Variants in RAMP3 observed in about 807,000 individuals in gnomAD.
RAMP3 encodes receptor activity modifying protein 3, also known as receptor activity-modifying protein 3.
A neutral mutation model predicts 13.5 loss-of-function variants in RAMP3; 14 were observed. That is an observed-to-expected ratio of 1.04 (90% CI 0.69 to 1.63). The LOEUF is 1.63. Ranked by LOEUF, RAMP3 falls within the 40% of genes most tolerant of loss-of-function variation. RAMP3 has a pLI of 0.00. For missense variants in RAMP3, 200 were observed against 204.8 expected (o/e 0.98, Z 0.14); for synonymous variants, 106 against 88.3 (o/e 1.20, Z -1.12).
At chr7:45,173,263 G>A (rs1428626605) in intron 1 of RAMP3, among the ~76,000 whole-genome samples, 4 of 152,158 alleles carry the variant, frequency 2.6e-5, no homozygotes, top group Non-Finnish European at 2.9e-5. Flanking sequence ...TTGTCCAGAC[G>A]TCTGCCATAT....
At chr7:45,181,446 G>T (rs575599099) in intron 2 of RAMP3, among the ~76,000 whole-genome samples, 1 of 152,238 alleles carries the variant, frequency 6.6e-6, no homozygotes, top group East Asian at 1.9e-4. Flanking sequence ...TCCACAGAGG[G>T]TCTTCTCCAG....
At chr7:45,181,302 G>T (rs188634734) in intron 2 of RAMP3, among the ~76,000 whole-genome samples, 2 of 152,218 alleles carry the variant, frequency 1.3e-5, no homozygotes, top group Admixed American at 1.3e-4. Flanking sequence ...CCTCTGCTCC[G>T]TGGGCTTCTC....
At chr7:45,179,798 G>A (rs983470302) in intron 2 of RAMP3, among the ~76,000 whole-genome samples, 5 of 152,178 alleles carry the variant, frequency 3.3e-5, no homozygotes, top group African/African-American at 1.2e-4. Flanking sequence ...GTACTAGCAC[G>A]AGGGAGGAAA....
intron 1 of RAMP3, among the ~76,000 whole-genome samples, chr7:45,166,809 T>C (rs1222943229): frequency 1.3e-5 from 2 of 152,246 alleles, no homozygotes; most frequent in East Asian, 3.9e-4. Flanking sequence ...AGAGGCTTGC[T>C]TTGTTGCCCA....
chr7:45,183,297 T>C lies in RAMP3; in HGVS notation c.332T>C (p.Leu111Ser). The change falls in exon 3 of 3, where the codon TTG becomes TCG. Residue 111 changes from leucine (L) to serine (S), a missense_variant. Coordinates refer to ENST00000242249, the MANE Select transcript of RAMP3 (RefSeq NM_005856.3). ...AACTGCACCGTGGACAGGGTCCACT[T>C]GGAGGACCCCCCAGACGAGGTTCTC... ...FSNCTVDRVH[L>S]EDPPDEVLIP... is the part of the protein sequence containing the mutation. The C allele has an allele frequency of 9.3e-6, 15 of 1,614,106 alleles. No homozygotes were observed. Among genetic ancestry groups the C allele is most frequent in the Non-Finnish European group, 1.2e-5 (14 of 1,180,040 alleles).
Position 45,161,635 on chromosome 7 carries a change from G to A in RAMP3, c.58+3749G>A, listed in dbSNP as rs112463657. Among the ~76,000 whole-genome samples the A allele has an allele frequency of 7.1e-3, 1,076 of 151,942 alleles. 18 individuals carry two copies. Among genetic ancestry groups the A allele is most frequent in the African/African-American group, 0.025 (1,024 of 41,380 alleles). ...GGAGAGGAGAGGAAACAGGGGAGGGGGAGGAGGGTAAAGAAGGACAGGGGA... is the reference window on the plus strand; with the variant it reads ...GGAGAGGAGAGGAAACAGGGGAGGGAGAGGAGGGTAAAGAAGGACAGGGGA... On this transcript the variant is annotated intron_variant, in intron 1 of 2. Coordinates refer to ENST00000242249, the MANE Select transcript of RAMP3 (RefSeq NM_005856.3).
In RAMP3 at chr7:45,157,842, C is replaced by G. The variant is rs776415765; in HGVS notation, c.14C>G (p.Ala5Gly). The part of the protein sequence containing the change: METG[A>G]LRRPQLLPLL... ...GGCCGGCCAGCCATGGAGACTGGAG[C>G]GCTGCGGCGCCCGCAACTTCTCCCG... is the stretch of plus-strand genomic sequence containing the variant. Residue 5 changes from alanine to glycine, a missense_variant, in exon 1 of 3, where the codon GCG becomes GGG. Physicochemically the swap from Ala to Gly is moderately conservative, Grantham distance 60. Coordinates refer to ENST00000242249, the MANE Select transcript of RAMP3 (RefSeq NM_005856.3). 2 of 1,428,174 alleles carry G rather than the reference C, an allele frequency of 1.4e-6. No homozygotes were observed. The highest frequency in any genetic ancestry group is 1.8e-6 in the Non-Finnish European group (2 of 1,099,884). The allele number at this position is 1,428,174 out of a possible 1,614,324, so 88.5% of individuals were successfully genotyped here.
rs143091769 is a variant in RAMP3, at chr7:45,178,277, C to T, written c.191+836C>T. ...AGGTCCCCTTGTTCTAGAAGCTTCCCAAGCTTTTCATCTCCTTACCTCCTT... is the reference window on the plus strand; with the variant it reads ...AGGTCCCCTTGTTCTAGAAGCTTCCTAAGCTTTTCATCTCCTTACCTCCTT... On this transcript the variant is annotated intron_variant, in intron 2 of 2. Transcript: ENST00000242249. Among the ~76,000 whole-genome samples, 1,057 of 152,270 alleles carry T rather than the reference C, an allele frequency of 6.9e-3. 3 individuals are homozygous for T. The highest frequency in any genetic ancestry group is 0.012 in the Non-Finnish European group (824 of 67,996).
At chr7:45,163,718 A>G (rs1371254829) in intron 1 of RAMP3, 2 of 985,258 alleles carry the variant, frequency 2.0e-6, no homozygotes, top group East Asian at 2.3e-4. Context: ...AAAGGACCAG[A>G]AAGGTGAAGG....
intron 2 of RAMP3, among the ~76,000 whole-genome samples, chr7:45,180,383 C>G (rs1786281838): frequency 1.3e-5 from 2 of 152,246 alleles, no homozygotes; most frequent in Non-Finnish European, 2.9e-5. Flanking sequence ...TTGGTCCCCA[C>G]TGAAGCAGGG....
Position 45,158,937 on chromosome 7 carries a change from G to A in RAMP3, c.58+1051G>A, listed in dbSNP as rs544329719. ...GGTGGATGGCAGCTTCTGAAATCAG[G>A]AGCATGCTGATTTGGGATTTCAGCA... is the stretch of plus-strand genomic sequence containing the variant. On this transcript the variant is annotated intron_variant, in intron 1 of 2. Coordinates refer to ENST00000242249, the MANE Select transcript of RAMP3 (RefSeq NM_005856.3). 3.5e-4 allele frequency among the ~76,000 whole-genome samples: 53 copies of A among 152,342 alleles called. No individual in the cohort carries two copies. The South Asian group carries it at 0.011, about 32-fold the overall frequency.
intron 2 of RAMP3, among the ~76,000 whole-genome samples, chr7:45,178,765 C>T (rs1290445223): frequency 6.6e-6 from 1 of 152,200 alleles, no homozygotes; most frequent in African/African-American, 2.4e-5. Context: ...CTCTCTGTAA[C>T]CCGCTAAAGC....
At chr7:45,164,080 TC>T (rs1339421883) in intron 1 of RAMP3, among the ~76,000 whole-genome samples, 2 of 152,222 alleles carry the variant, frequency 1.3e-5, no homozygotes, top group African/African-American at 4.8e-5. Flanking sequence ...CAAAGTCACT[TC>T]TTCTTTCCTT....
At chr7:45,161,137 C>G (rs114248231) in intron 1 of RAMP3, among the ~76,000 whole-genome samples, 44,106 of 151,988 alleles carry the variant, frequency 0.29, 8,190 homozygotes, top group African/African-American at 0.53. Flanking sequence ...TCTGCCTGAG[C>G]CAGGTCCTTG....
At chr7:45,170,176 T>C (rs1786053204) in intron 1 of RAMP3, among the ~76,000 whole-genome samples, 1 of 150,564 alleles carries the variant, frequency 6.6e-6, no homozygotes, top group African/African-American at 2.4e-5. Context: ...AGCTTTGATT[T>C]TGTTGATTTT....
At chr7:45,158,567 A>AAGAG (rs71030853) in intron 1 of RAMP3, among the ~76,000 whole-genome samples, 14 of 150,620 alleles carry the variant, frequency 9.3e-5, no homozygotes, top group South Asian at 4.2e-4. Context: ...AAGAAAAAGT[A>AAGAG]AGAGAGAGAG....
intron 1 of RAMP3, among the ~76,000 whole-genome samples, chr7:45,174,488 C>T (rs368103341): frequency 1.2e-4 from 19 of 152,192 alleles, no homozygotes; most frequent in African/African-American, 1.9e-4. Context: ...TCTTGCTCCA[C>T]GCTCCTTCTG....
rs76241357 is a variant in RAMP3 at position 45,179,568 on chromosome 7, A to G, written c.191+2127A>G. On this transcript the variant is annotated intron_variant, in intron 2 of 2. Transcript: ENST00000242249. Reference sequence around the variant, plus strand: ...AAAGAGGTTTAGAAATGGAAGATGCAATAGAAGTGAAATGGAATAGAAAGG... The same window carrying G: ...AAAGAGGTTTAGAAATGGAAGATGCGATAGAAGTGAAATGGAATAGAAAGG... Among the ~76,000 whole-genome samples the G allele has an allele frequency of 1.6e-4, 25 of 152,340 alleles. No homozygotes were observed. The East Asian group carries it at 4.6e-3, about 28-fold the overall frequency.
In RAMP3 at chr7:45,183,173, A is replaced by T; in HGVS notation, c.208A>T (p.Thr70Ser). The T allele has an allele frequency of 6.2e-7, 1 of 1,611,996 alleles. No homozygotes were observed. Reference sequence around the variant, plus strand: ...CTTTTGCAGGTACTATGAGAGTTTCACCAACTGCACCGAGATGGAGGCCAA... The same window carrying T: ...CTTTTGCAGGTACTATGAGAGTTTCTCCAACTGCACCGAGATGGAGGCCAA... ...SEFIVYYESF[T>S]NCTEMEANVV... Residue 70 changes from threonine to serine, a missense_variant, in exon 3 of 3, where the codon ACC (threonine) becomes TCC (serine). Transcript: ENST00000242249.
Sources: gnomAD v4.1 joint callset for allele counts (sites outside exome capture counted in the v4.1 genomes callset) on GRCh38, gnomAD v4.1.1 for gene constraint, MANE v1.5 for transcripts, NCBI Gene and HGNC (gene_info 2026-07-23, HGNC 2026-07-21) for gene names.